The following SMIM3 variants were observed in gnomAD, a reference collection of about 807,000 sequenced individuals.
SMIM3 encodes the protein small integral membrane protein 3.
SMIM3 carries 4 observed loss-of-function variants against 2.1 expected under a neutral mutation model. The ratio of observed to expected loss-of-function variants is 1.89; its 90% CI spans 0.93 to 4.31. The LOEUF (loss-of-function observed/expected upper bound fraction) is 4.31, where lower values mean the gene tolerates loss of function less well. SMIM3 is among the 30% of genes most tolerant of loss of function. The probability of loss-of-function intolerance (pLI) is 0.01; values close to 1 mark genes in which losing one functional copy is unlikely to be tolerated. For missense variants in SMIM3, 79 were observed against 77.7 expected (o/e 1.02, Z -0.06); for synonymous variants, 29 against 30.8 (o/e 0.94, Z 0.19).
intron 1 of SMIM3, among the ~76,000 whole-genome samples, chr5:150,786,081 T>C (rs1285774558): frequency 6.6e-6 from 1 of 151,968 alleles, no homozygotes; most frequent in Admixed American, 6.6e-5. Flanking sequence ...TGTCACTGTT[T>C]CCTCTATCTC....
intron 1 of SMIM3, among the ~76,000 whole-genome samples, chr5:150,785,162 A>G (rs1753277508): frequency 7.5e-6 from 1 of 133,556 alleles, no homozygotes; most frequent in South Asian, 2.2e-4. Context: ...ATCTTGGTTC[A>G]CTGCAACCTC....
chr5:150,780,436 G>T (rs1479381560), intron 1 of SMIM3, among the ~76,000 whole-genome samples: 1 of 152,192 alleles, frequency 6.6e-6, no homozygotes, highest in East Asian at 1.9e-4. Context: ...GGGACCTCCT[G>T]TTCCCAGCTG....
intron 1 of SMIM3, among the ~76,000 whole-genome samples, chr5:150,781,731 T>G (rs1753235394): frequency 6.6e-6 from 1 of 151,970 alleles, no homozygotes; most frequent in Non-Finnish European, 1.5e-5. Flanking sequence ...GGCAAGGCAC[T>G]ACCACCGCCC....
At chr5:150,779,431 G>A (rs1454491366) in intron 1 of SMIM3, among the ~76,000 whole-genome samples, 1 of 152,168 alleles carries the variant, frequency 6.6e-6, no homozygotes, top group East Asian at 1.9e-4. Context: ...CGCTTTTCTC[G>A]AGGCCCCGTG....
At chr5:150,779,829 A>ACCCCCCCCCCCC (rs5872180) in intron 1 of SMIM3, among the ~76,000 whole-genome samples, 3 of 111,026 alleles carry the variant, frequency 2.7e-5, no homozygotes, top group Non-Finnish European at 3.8e-5. Flanking sequence ...GAAAGGTGTA[A>ACCCCCCCCCCCC]CCCCCCCCGC....
intron 1 of SMIM3, among the ~76,000 whole-genome samples, chr5:150,780,108 T>C (rs761604855): frequency 6.6e-6 from 1 of 151,904 alleles, no homozygotes; most frequent in Non-Finnish European, 1.5e-5. Flanking sequence ...GGCCACATAG[T>C]TTGGAAGGAT....
chr5:150,789,527 CT>C (rs1357281769), intron 1 of SMIM3, among the ~76,000 whole-genome samples: 1 of 152,098 alleles, frequency 6.6e-6, no homozygotes, highest in Non-Finnish European at 1.5e-5. Flanking sequence ...GCCTTAGAAT[CT>C]TGGAACAGTA....
In SMIM3 at chr5:150,795,531, A is replaced by G. The variant is rs768158128; in HGVS notation, c.91A>G (p.Ile31Val). ...WVIVLIILAT[I>V]VIMTSLLLCP... ...TATTGTCCTCATCATCCTGGCCACC[A>G]TTGTCATCATGACCTCGTTGTTGCT... Residue 31 changes from isoleucine (I) to valine (V), a missense_variant, in exon 2 of 2, where the codon ATT becomes GTT. Transcript: ENST00000526627. The G allele has an allele frequency of 1.9e-6, 3 of 1,612,254 alleles. No individual in the cohort carries two copies. Among genetic ancestry groups the G allele is most frequent in the South Asian group, 2.2e-5 (2 of 91,046 alleles).
intron 1 of SMIM3, among the ~76,000 whole-genome samples, chr5:150,794,601 T>C (rs190923623): frequency 1.5e-4 from 23 of 152,284 alleles, no homozygotes; most frequent in African/African-American, 5.1e-4. Context: ...CTCACTGATA[T>C]GTGGGAGCTA....
chr5:150,787,199 A>G (rs781568679), intron 1 of SMIM3, among the ~76,000 whole-genome samples: 1 of 152,184 alleles, frequency 6.6e-6, no homozygotes, highest in Non-Finnish European at 1.5e-5. Flanking sequence ...TTCTCCCAGA[A>G]AAGTGGGACC....
chr5:150,793,522 C>T (rs957626247), intron 1 of SMIM3, among the ~76,000 whole-genome samples: 24 of 152,102 alleles, frequency 1.6e-4, no homozygotes, highest in African/African-American at 5.8e-4. Context: ...AACCCAAATA[C>T]TTACAGCAAA....
intron 1 of SMIM3, among the ~76,000 whole-genome samples, chr5:150,788,564 G>T (rs1244424940): frequency 6.7e-6 from 1 of 149,056 alleles, no homozygotes; most frequent in Non-Finnish European, 1.5e-5. Flanking sequence ...AACCTGGGAG[G>T]TACAGGATGC....
chr5:150,786,742 C>T (rs183884312), intron 1 of SMIM3, among the ~76,000 whole-genome samples: 25 of 152,140 alleles, frequency 1.6e-4, no homozygotes, highest in Non-Finnish European at 2.6e-4. Flanking sequence ...TCTGGAGCCC[C>T]GGTAGACTTT....
intron 1 of SMIM3, among the ~76,000 whole-genome samples, chr5:150,784,950 A>G (rs182410461): frequency 6.6e-6 from 1 of 152,290 alleles, no homozygotes; most frequent in Admixed American, 6.5e-5. Flanking sequence ...AACAAAGTCT[A>G]ATATGATTTG....
intron 1 of SMIM3, among the ~76,000 whole-genome samples, chr5:150,781,130 T>A (rs1753228768): frequency 6.6e-6 from 1 of 152,186 alleles, no homozygotes; most frequent in Non-Finnish European, 1.5e-5. Flanking sequence ...TCACCCATGA[T>A]CACACAGAAA....
At position 150,778,871 on chromosome 5, in the gene SMIM3, G is replaced by A. The variant is rs1470521587; in HGVS notation, c.-113G>A. ...CCTAGGGCTGAGGTTCCAGGCCTGG[G>A]GGTCGCTTCCAGCTGCCAGATCCCG... On this transcript the variant is annotated 5_prime_UTR_variant, in exon 1 of 2. Coordinates refer to ENST00000526627, the MANE Select transcript of SMIM3 (RefSeq NM_032947.5). 1 of 491,654 alleles carries A rather than the reference G, an allele frequency of 2.0e-6. No individual in the cohort carries two copies. Among genetic ancestry groups the A allele is most frequent in the South Asian group, 1.5e-5 (1 of 65,944 alleles). The allele number at this position is 491,654 out of a possible 1,614,324, so 30.5% of individuals were successfully genotyped here.
chr5:150,785,380 C>G (rs1402112399), intron 1 of SMIM3, among the ~76,000 whole-genome samples: 1 of 151,812 alleles, frequency 6.6e-6, no homozygotes, highest in Non-Finnish European at 1.5e-5. Context: ...AGCCACCGCA[C>G]CTAGCCTGAA....
At chr5:150,782,628 A>G (rs1390255382) in intron 1 of SMIM3, among the ~76,000 whole-genome samples, 2 of 152,182 alleles carry the variant, frequency 1.3e-5, no homozygotes, top group African/African-American at 2.4e-5. Flanking sequence ...AGAGCCCCCC[A>G]TAATCCTTCC....
intron 1 of SMIM3, among the ~76,000 whole-genome samples, chr5:150,779,230 GT>G (rs1175313042): frequency 1.3e-5 from 2 of 152,126 alleles, no homozygotes; most frequent in Non-Finnish European, 2.9e-5. Flanking sequence ...CGGAGCTTGG[GT>G]GGGCGAACCC....
Sources: allele counts gnomAD v4.1 joint callset (sites outside exome capture counted in the v4.1 genomes callset), GRCh38; gene constraint gnomAD v4.1.1; transcripts MANE v1.5; gene names NCBI Gene and HGNC (gene_info 2026-07-23, HGNC 2026-07-21).